The following LHX8 variants were observed in gnomAD, a reference collection of about 807,000 sequenced individuals.
LHX8 encodes LIM/homeobox protein Lhx8.
In LHX8, 12 loss-of-function variants were observed where a neutral mutation model predicts 40.3. The ratio of observed to expected loss-of-function variants is 0.30; its 90% confidence interval spans 0.19 to 0.48. The LOEUF (loss-of-function observed/expected upper bound fraction) is 0.48, where lower values mean the gene tolerates loss of function less well. LHX8 is among the 20% of genes least tolerant of loss of function. The pLI is 0.99. For synonymous variants in LHX8, 179 were observed against 162.0 expected, an observed-to-expected ratio of 1.10 and a Z score of -0.80; for missense variants, 344 against 433.7, an observed-to-expected ratio of 0.79 and a Z score of 1.84.
At chr1:75,192,681 C>G in the LHX8 span, among the ~76,000 whole-genome samples, 13 of 148,194 alleles carry the variant, frequency 8.8e-5, no homozygotes, top group East Asian at 2.5e-3. Context: ...TGTGTCCAGG[C>G]GCTATGCTTT....
chr1:75,195,454 A>G, the LHX8 span, among the ~76,000 whole-genome samples: 1 of 151,948 alleles, frequency 6.6e-6, no homozygotes, highest in African/African-American at 2.4e-5. Context: ...TCTTTATTCT[A>G]CCTTATGGGT....
chr1:75,137,490 C>G (rs963661545), intron 3 of LHX8, among the ~76,000 whole-genome samples: 3 of 152,184 alleles, frequency 2.0e-5, no homozygotes, highest in Admixed American at 1.3e-4. Context: ...GTGACACATC[C>G]TGGTCTGGAC....
At chr1:75,136,506 C>A in intron 1 of LHX8, 97 bp from the exon 2 acceptor site, 1 of 935,970 alleles carries the variant, frequency 1.1e-6, no homozygotes, top group Non-Finnish European at 1.7e-6. Flanking sequence ...CTCTGAGGGC[C>A]TTCATTAGCT....
At chr1:75,186,863 A>T in the LHX8 span, among the ~76,000 whole-genome samples, 15 of 152,002 alleles carry the variant, frequency 9.9e-5, no homozygotes, top group Non-Finnish European at 1.5e-4. Flanking sequence ...AGTTTCAGTG[A>T]CTCCTTTAAG....
In LHX8 at chr1:75,148,637, C is replaced by G. The variant is rs1345649222; in HGVS notation, c.735C>G (p.Leu245=). ...ACAACAACCCAGATGCACAGACACT[C>G]CAGAAATTGGCAGAAAGGACAGGCT... The part of the protein sequence containing the change: ...AQDNNPDAQT[L]QKLAERTGLS... Residue 245 remains leucine, a synonymous_variant, in exon 7 of 9, where the codon CTC becomes CTG. Transcript: ENST00000356261. 5.0e-6 allele frequency: 8 copies of G among 1,613,776 alleles called. No individual in the cohort carries two copies. Among genetic ancestry groups the G allele is most frequent in the Non-Finnish European group, 6.8e-6 (8 of 1,179,938 alleles).
downstream of LHX8, among the ~76,000 whole-genome samples, chr1:75,162,953 T>C (rs191843587): frequency 1.1e-4 from 17 of 152,052 alleles, no homozygotes; most frequent in African/African-American, 3.1e-4. Flanking sequence ...GTAGCAAAGA[T>C]GTGGGTAACA....
the LHX8 span, among the ~76,000 whole-genome samples, chr1:75,181,526 G>A: frequency 2.0e-5 from 3 of 152,178 alleles, no homozygotes; most frequent in Non-Finnish European, 4.4e-5. Context: ...ACAATCTCCT[G>A]GTGTGCCATT....
At chr1:75,155,580 A>T (rs1324849716) in intron 7 of LHX8, among the ~76,000 whole-genome samples, 1 of 152,114 alleles carries the variant, frequency 6.6e-6, no homozygotes, top group East Asian at 1.9e-4. Flanking sequence ...CTGTCAGGGA[A>T]TTCAAACACA....
chr1:75,179,992 G>T, the LHX8 span, among the ~76,000 whole-genome samples: 59,339 of 151,888 alleles, frequency 0.39, 11,927 homozygotes, highest in Non-Finnish European at 0.43. Context: ...GAAAATTCTT[G>T]TCTTTAAGAA....
intron 8 of LHX8, chr1:75,159,871 C>A (rs147977510): frequency 6.6e-6 from 1 of 152,260 alleles, no homozygotes; most frequent in East Asian, 1.9e-4. Flanking sequence ...GGCACAAATC[C>A]TTAAGAGGGC....
intron 7 of LHX8, among the ~76,000 whole-genome samples, chr1:75,154,842 G>A (rs1452615005): frequency 1.3e-5 from 2 of 152,060 alleles, no homozygotes; most frequent in Non-Finnish European, 2.9e-5. Context: ...CTACTTTTCA[G>A]CCTCCTGCTC....
chr1:75,157,680 G>A (rs1243259753), intron 8 of LHX8, among the ~76,000 whole-genome samples: 3 of 152,132 alleles, frequency 2.0e-5, no homozygotes, highest in Admixed American at 2.0e-4. Context: ...GAACCACACA[G>A]AATGTATTTT....
At chr1:75,178,773 A>G in the LHX8 span, among the ~76,000 whole-genome samples, 3 of 152,026 alleles carry the variant, frequency 2.0e-5, no homozygotes, top group African/African-American at 7.2e-5. Flanking sequence ...TTAGGGTGTC[A>G]ATTTTAGATC....
chr1:75,188,702 C>T, the LHX8 span, among the ~76,000 whole-genome samples: 5 of 152,174 alleles, frequency 3.3e-5, no homozygotes, highest in Admixed American at 6.5e-5. Flanking sequence ...AATTAACCTA[C>T]GTTGAAATGA....
chr1:75,144,673 T>C (rs916991867), intron 6 of LHX8, among the ~76,000 whole-genome samples: 2 of 152,182 alleles, frequency 1.3e-5, no homozygotes, highest in Non-Finnish European at 2.9e-5. Context: ...TGATTCCTTC[T>C]GGCATTTTTG....
the LHX8 span, among the ~76,000 whole-genome samples, chr1:75,172,201 A>G: frequency 2.0e-5 from 3 of 152,198 alleles, no homozygotes; most frequent in Non-Finnish European, 2.9e-5. Context: ...CACTCTACTC[A>G]TATCACAACT....
chr1:75,144,557 G>C (rs1275087406), intron 6 of LHX8, among the ~76,000 whole-genome samples: 1 of 143,130 alleles, frequency 7.0e-6, no homozygotes, highest in African/African-American at 2.4e-5. Flanking sequence ...CCTGAAAAGG[G>C]AGGGATTTTT....
In LHX8 at chr1:75,143,355, A is replaced by G; in HGVS notation, c.580+17A>G. 2 of 1,578,566 alleles carry G rather than the reference A, an allele frequency of 1.3e-6. No homozygotes were observed. The highest frequency in any genetic ancestry group is 1.7e-6 in the Non-Finnish European group (2 of 1,151,736). ...TAGAAAATGGTAAATATGTACTTAA[A>G]TACTTTTGAGTCTTTTGAGACAGTG... is the stretch of plus-strand genomic sequence containing the variant. On this transcript the variant is annotated intron_variant, in intron 5 of 8. Coordinates refer to ENST00000356261, the MANE Select transcript of LHX8 (RefSeq NM_001256114.2).
the LHX8 span, among the ~76,000 whole-genome samples, chr1:75,193,679 T>C: frequency 2.0e-5 from 3 of 152,198 alleles, no homozygotes; most frequent in Non-Finnish European, 4.4e-5. Flanking sequence ...CCAACCTGTG[T>C]TTTGCCTTAA....
Sources: allele counts gnomAD v4.1 joint callset (sites outside exome capture counted in the v4.1 genomes callset), GRCh38; gene constraint gnomAD v4.1.1; transcripts MANE v1.5; gene names NCBI Gene and HGNC (gene_info 2026-07-23, HGNC 2026-07-21).